The following MAP3K3 variants were observed in gnomAD, a reference collection of about 807,000 sequenced individuals.
MAP3K3 encodes MAP/ERK kinase kinase 3.
Under a neutral mutation model 80.9 loss-of-function variants are expected in MAP3K3, and 12 were observed. The observed-to-expected ratio is 0.15, with a 90% CI of 0.10 to 0.24. The LOEUF (loss-of-function observed/expected upper bound fraction) is 0.24. Ranked by LOEUF, MAP3K3 falls within the 10% of genes least tolerant of loss-of-function variation. The pLI, the probability that MAP3K3 is intolerant of heterozygous loss-of-function variation, is 1.00. For synonymous variants in MAP3K3, 272 were observed against 307.1 expected, an observed-to-expected ratio of 0.89 and a Z score of 1.19; for missense variants, 596 against 834.7, an observed-to-expected ratio of 0.71 and a Z score of 3.52.
At chr17:63,632,633 C>T in intron 1 of MAP3K3, 48 bp from the exon 2 acceptor site, 1 of 1,606,716 alleles carries the variant, frequency 6.2e-7, no homozygotes, top group Non-Finnish European at 8.5e-7. Context: ...AAGAGCTTTG[C>T]TGGTCTGTAT....
intron 8 of MAP3K3, 77 bp from the exon 9 acceptor site, chr17:63,688,450 A>G (rs2035507415): frequency 8.6e-7 from 1 of 1,161,478 alleles, no homozygotes; most frequent in South Asian, 1.2e-5. Flanking sequence ...GGGGTTAGAA[A>G]GGGAGACTGC....
chr17:63,660,913 C>T (rs2034878049), intron 5 of MAP3K3, among the ~76,000 whole-genome samples: 1 of 151,938 alleles, frequency 6.6e-6, no homozygotes, highest in Admixed American at 6.5e-5. Flanking sequence ...CTTCTGATCC[C>T]TATATGGCAG....
rs1297398667 is a variant in MAP3K3 at position 63,689,031 on chromosome 17, AC to A, written c.871+151del. On this transcript the variant is annotated intron_variant, in intron 10 of 15. Coordinates refer to ENST00000361733, the MANE Select transcript of MAP3K3 (RefSeq NM_002401.5). This position sits in a 1 kb window ranked among gnomAD's most constrained non-coding sequence, Gnocchi z 4.3. ...TTGAGGCATGGGAGACAGGAAAAAA[AC>A]AAAAACAAAAACAGGGAAGATAGTA... 1 of 618,362 alleles carries A rather than the reference AC, an allele frequency of 1.6e-6. No homozygotes were observed. Among genetic ancestry groups the A allele is most frequent in the Non-Finnish European group, 2.9e-6 (1 of 348,672 alleles). 38.3% of individuals were successfully genotyped at this position (618,362 alleles called of 1,614,324 possible).
chr17:63,661,453 G>A (rs2034889490), intron 5 of MAP3K3, among the ~76,000 whole-genome samples: 1 of 152,094 alleles, frequency 6.6e-6, no homozygotes, highest in Non-Finnish European at 1.5e-5. Flanking sequence ...CTCTGCTTTG[G>A]ACCACCAACT....
Position 63,689,258 on chromosome 17 carries a change from G to A in MAP3K3, c.872-286G>A, listed in dbSNP as rs1053595725. On this transcript the variant is annotated intron_variant, in intron 10 of 15. Transcript: ENST00000361733. This position sits in a 1 kb window ranked among gnomAD's most constrained non-coding sequence, Gnocchi z 4.3. ...CCTTGCAAGCAATTGGGAGCCTGTT[G>A]GCCAGCCATACACCTTCCCTTTGGC... 1.1e-5 allele frequency: 6 copies of A among 534,260 alleles called. No homozygotes were observed. Among genetic ancestry groups the A allele is most frequent in the Non-Finnish European group, 2.0e-5 (6 of 299,908 alleles). The allele number at this position is 534,260 out of a possible 1,614,324, so 33.1% of individuals were successfully genotyped here. A position where few individuals can be genotyped will look rare whatever the true frequency, so the allele number is the denominator to read the frequency against.
intron 2 of MAP3K3, 80 bp downstream of exon 2, chr17:63,632,882 G>A (rs2034246777): frequency 1.9e-6 from 3 of 1,574,828 alleles, no homozygotes; most frequent in South Asian, 2.3e-5. Flanking sequence ...AAGCCAAGGA[G>A]ACTACATTAC....
At chr17:63,634,916 T>C (rs767597815) in intron 2 of MAP3K3, 23 of 914,208 alleles carry the variant, frequency 2.5e-5, no homozygotes, top group Admixed American at 4.3e-5. Context: ...GTAAAAAGCA[T>C]TGGTTACCCG....
Position 63,694,014 on chromosome 17 carries a change from C to T in MAP3K3, c.*237C>T, listed in dbSNP as rs2035644672. ...TCCAGGAGCTCCAGTGTCCTGAGCTCAGCGTGGAGGGGTAGGGGCTGGGAA... is the reference window on the plus strand; with the variant it reads ...TCCAGGAGCTCCAGTGTCCTGAGCTTAGCGTGGAGGGGTAGGGGCTGGGAA... On this transcript the variant is annotated 3_prime_UTR_variant, in exon 16 of 16. Coordinates refer to ENST00000361733, the MANE Select transcript of MAP3K3 (RefSeq NM_002401.5). The T allele has an allele frequency of 4.1e-6, 2 of 492,880 alleles. No homozygotes were observed. Among genetic ancestry groups the T allele is most frequent in the Non-Finnish European group, 7.2e-6 (2 of 279,576 alleles). 30.5% of individuals were successfully genotyped at this position (492,880 alleles called of 1,614,324 possible). A position where few individuals can be genotyped will look rare whatever the true frequency, so the allele number is the denominator to read the frequency against.
At chr17:63,682,301 T>G in intron 7 of MAP3K3, 1 of 155,582 alleles carries the variant, frequency 6.4e-6, no homozygotes, top group Non-Finnish European at 1.4e-5. Flanking sequence ...TGATGAAAGG[T>G]AAGGAGTAAA....
intron 3 of MAP3K3, among the ~76,000 whole-genome samples, chr17:63,648,481 C>G (rs1182398333): frequency 6.6e-6 from 1 of 152,112 alleles, no homozygotes; most frequent in African/African-American, 2.4e-5. Context: ...CTAGATAGCA[C>G]CTAACAGTAT....
At position 63,689,870 on chromosome 17, in the gene MAP3K3, G is replaced by T; in HGVS notation, c.1063+135G>T. The T allele has an allele frequency of 1.3e-6, 1 of 767,370 alleles. No homozygotes were observed. The highest frequency in any genetic ancestry group is 1.8e-5 in the African/African-American group (1 of 56,932). 47.5% of individuals were successfully genotyped at this position (767,370 alleles called of 1,614,324 possible). ...GGCCCAAATGCACCACATGGGATAA[G>T]CCTTGGAGTGTCTGAAGCCTGGCTC... On this transcript the variant is annotated intron_variant, in intron 11 of 15. Transcript: ENST00000361733. This position sits in a 1 kb window ranked among gnomAD's most constrained non-coding sequence, Gnocchi z 4.3.
At chr17:63,636,917 G>A (rs751351617) in intron 2 of MAP3K3, 1 of 512,476 alleles carries the variant, frequency 2.0e-6, no homozygotes, top group South Asian at 2.0e-5. Flanking sequence ...TTGGAGGCCT[G>A]TATGCGCTTC....
At chr17:63,637,122 A>T in intron 2 of MAP3K3, 2 of 298,314 alleles carry the variant, frequency 6.7e-6, no homozygotes, top group East Asian at 9.0e-5. Flanking sequence ...GAAGCCTTAG[A>T]GTGTGTGTGC....
intron 12 of MAP3K3, chr17:63,690,873 G>T: frequency 1.8e-6 from 1 of 569,628 alleles, no homozygotes; most frequent in Non-Finnish European, 3.1e-6. Context: ...AGCACCCACG[G>T]CCCCTTCTCC....
chr17:63,688,067 T>C (rs1451719005), intron 8 of MAP3K3: 2 of 216,848 alleles, frequency 9.2e-6, no homozygotes, highest in African/African-American at 4.7e-5. Context: ...GATCTGCTAT[T>C]ATGCTATTTT....
At chr17:63,647,219 C>T (rs966506307) in intron 3 of MAP3K3, among the ~76,000 whole-genome samples, 4 of 152,166 alleles carry the variant, frequency 2.6e-5, no homozygotes, top group Non-Finnish European at 5.9e-5. Context: ...TCTGCAGAGC[C>T]AGGGTCCTTC....
At chr17:63,632,589 A>C in intron 1 of MAP3K3, 92 bp from the exon 2 acceptor site, 2 of 1,454,012 alleles carry the variant, frequency 1.4e-6, no homozygotes, top group East Asian at 2.3e-5. Context: ...TTACCTGGGC[A>C]GAACTCCCTG....
At chr17:63,659,041 T>G (rs1020219709) in intron 5 of MAP3K3, among the ~76,000 whole-genome samples, 3 of 152,038 alleles carry the variant, frequency 2.0e-5, no homozygotes, top group Admixed American at 2.0e-4. Flanking sequence ...CGGCCATTTT[T>G]TAATTTTTTT....
intron 8 of MAP3K3, 57 bp from the exon 9 acceptor site, chr17:63,688,470 C>G: frequency 7.1e-7 from 1 of 1,405,854 alleles, no homozygotes; most frequent in Admixed American, 1.7e-5. Flanking sequence ...CCTGGACGCC[C>G]TGCTTGGTTG....
Sources: gnomAD v4.1 joint callset for allele counts (sites outside exome capture counted in the v4.1 genomes callset) on GRCh38, gnomAD v4.1.1 for gene constraint, Gnocchi (gnomAD v3.1) non-coding constraint, MANE v1.5 for transcripts, NCBI Gene and HGNC (gene_info 2026-07-23, HGNC 2026-07-21) for gene names.